HNRNPUL1: variants seen among roughly 807,000 people sequenced by gnomAD.
The protein encoded by HNRNPUL1 is heterogeneous nuclear ribonucleoprotein U like 1, also known as heterogeneous nuclear ribonucleoprotein U-like protein 1.
A neutral mutation model predicts 108.5 loss-of-function variants in HNRNPUL1; 14 were observed. The observed-to-expected ratio is 0.13, with a 90% CI of 0.09 to 0.20. The LOEUF (loss-of-function observed/expected upper bound fraction) is 0.20, where lower values mean the gene tolerates loss of function less well. Among genes scored for constraint, HNRNPUL1 ranks in the 10% least tolerant of loss-of-function variants. HNRNPUL1 has a pLI of 1.00. For synonymous variants in HNRNPUL1, 422 were observed against 445.2 expected (o/e 0.95, Z 0.66); for missense variants, 804 against 1,168.3 (o/e 0.69, Z 4.55).
intron 1 of HNRNPUL1, chr19:41,265,002 G>C (rs1364420413): frequency 7.2e-7 from 1 of 1,393,912 alleles, no homozygotes; most frequent in Non-Finnish European, 9.3e-7. Flanking sequence ...GGGGGACACT[G>C]GGGGAGGGGC....
rs932028351 is a variant in HNRNPUL1, at chr19:41,271,737, A to T, written c.419-345A>T. On this transcript the variant is annotated intron_variant, in intron 2 of 14. Transcript: ENST00000392006. ...TGGCCTCTTTTGGTAGGGTAACTAA[A>T]GCCCGTAGAGTTAGCTGCAGGACCA... Among the ~76,000 whole-genome samples, 6 of 152,262 alleles carry T rather than the reference A, an allele frequency of 3.9e-5. No homozygotes were observed. In the South Asian group the frequency reaches 6.2e-4, roughly 16 times the overall value.
At chr19:41,264,335 C>A (rs564256767), upstream of HNRNPUL1, 17 of 509,752 alleles carry the variant, frequency 3.3e-5, no homozygotes, top group East Asian at 5.5e-4. Flanking sequence ...TAACATCGGA[C>A]GAGGCACGAG....
At chr19:41,277,456 A>G (rs1380974511) in intron 5 of HNRNPUL1, among the ~76,000 whole-genome samples, 1 of 152,190 alleles carries the variant, frequency 6.6e-6, no homozygotes, top group Non-Finnish European at 1.5e-5. Flanking sequence ...TACCTCTCAT[A>G]GAGAAACACT....
At chr19:41,298,321 G>A (rs2037004884) in intron 10 of HNRNPUL1, among the ~76,000 whole-genome samples, 1 of 152,148 alleles carries the variant, frequency 6.6e-6, no homozygotes, top group Non-Finnish European at 1.5e-5. Flanking sequence ...ATTTTCTCTT[G>A]GAATCAACAT....
chr19:41,266,325 C>T (rs1029913321), intron 1 of HNRNPUL1, among the ~76,000 whole-genome samples: 3 of 151,852 alleles, frequency 2.0e-5, no homozygotes, highest in Admixed American at 1.3e-4. Context: ...CCCAGCTACT[C>T]GGGAGGCTGA....
At chr19:41,287,363 A>G (rs1291690676) in intron 7 of HNRNPUL1, among the ~76,000 whole-genome samples, 1 of 152,042 alleles carries the variant, frequency 6.6e-6, no homozygotes, top group East Asian at 1.9e-4. Flanking sequence ...TAAATTTAAA[A>G]CTTGATATAA....
intron 13 of HNRNPUL1, among the ~76,000 whole-genome samples, chr19:41,305,188 C>T (rs1396046931): frequency 6.6e-6 from 1 of 152,074 alleles, no homozygotes; most frequent in African/African-American, 2.4e-5. Context: ...CCCCTAGGTT[C>T]TATATGGAGA....
intron 10 of HNRNPUL1, among the ~76,000 whole-genome samples, chr19:41,297,715 A>C (rs1396837619): frequency 6.6e-6 from 1 of 152,230 alleles, no homozygotes; most frequent in African/African-American, 2.4e-5. Flanking sequence ...GGGCTCTAAC[A>C]GCTAGAGCCA....
Position 41,304,041 on chromosome 19 carries a change from A to G in HNRNPUL1, c.2042A>G (p.Asn681Ser), listed in dbSNP as rs1165560998. The change falls in exon 13 of 15, where the codon AAC (asparagine) becomes AGC (serine). Residue 681 changes from asparagine (N) to serine (S), a missense_variant. By Grantham distance (46) the Asn-to-Ser change is conservative. Around this residue, in one of 4 missense-constraint regions of HNRNPUL1, gnomAD observed 294 missense variants for 388.3 expected, o/e 0.76. Transcript: ENST00000392006. The part of the protein sequence containing the change: ...RWGNNNRDNN[N>S]SNNRGSYNRA... ...GGTAACAACAACCGGGATAACAACA[A>G]CTCCAACAACAGAGGCAGCTACAAC... 1.2e-6 allele frequency: 2 copies of G among 1,613,520 alleles called. No individual in the cohort carries two copies. The highest frequency in any genetic ancestry group is 2.7e-5 in the African/African-American group (2 of 74,730).
intron 6 of HNRNPUL1, 71 bp from the exon 7 acceptor site, chr19:41,281,092 G>C: frequency 2.2e-6 from 2 of 910,888 alleles, no homozygotes; most frequent in Non-Finnish European, 3.6e-6. Context: ...AAAAATAAAA[G>C]TATGTGGCAG....
intron 14 of HNRNPUL1, among the ~76,000 whole-genome samples, chr19:41,306,238 G>A (rs2037538432): frequency 6.6e-6 from 1 of 152,186 alleles, no homozygotes. Flanking sequence ...AAAGGCACTG[G>A]GTTGACAAGC....
At chr19:41,264,356 G>A (rs911446315), upstream of HNRNPUL1, 1 of 570,730 alleles carries the variant, frequency 1.8e-6, no homozygotes, top group Non-Finnish European at 2.7e-6. Flanking sequence ...TGAGGGGGGA[G>A]GCGGTGGCGG....
chr19:41,284,665 T>A (rs902279496), intron 7 of HNRNPUL1, among the ~76,000 whole-genome samples: 1 of 151,810 alleles, frequency 6.6e-6, no homozygotes, highest in Non-Finnish European at 1.5e-5. Flanking sequence ...AATAAATAAA[T>A]AAAACTGCAG....
chr19:41,268,140 C>T, intron 1 of HNRNPUL1, 83 bp from the exon 2 acceptor site: 1 of 1,390,592 alleles, frequency 7.2e-7, no homozygotes, highest in Non-Finnish European at 1.0e-6. Flanking sequence ...AGCTCCTGGA[C>T]CTGCAGATGC....
Position 41,292,103 on chromosome 19 carries a change from G to T in HNRNPUL1, c.1000-142G>T. The T allele has an allele frequency of 2.3e-6, 2 of 855,202 alleles. No individual in the cohort carries two copies. Among genetic ancestry groups the T allele is most frequent in the South Asian group, 3.2e-5 (2 of 63,392 alleles). 53.0% of individuals were successfully genotyped at this position (855,202 alleles called of 1,614,324 possible). On this transcript the variant is annotated intron_variant, in intron 7 of 14. Coordinates refer to ENST00000392006, the MANE Select transcript of HNRNPUL1 (RefSeq NM_007040.6). The surrounding 1 kb of genome is among the most constrained non-coding windows in gnomAD (Gnocchi z 4.1). ...CTGAGATGTTCACTGATGCTGCCCA[G>T]CTTACCTGTATGTTGGGGAAGGATG...
In HNRNPUL1 at chr19:41,272,202, G is replaced by A; in HGVS notation, c.539G>A (p.Gly180Glu). 1 of 1,613,966 alleles carries A rather than the reference G, an allele frequency of 6.2e-7. No individual in the cohort carries two copies. The highest frequency in any genetic ancestry group is 8.5e-7 in the Non-Finnish European group (1 of 1,179,962). Residue 180 changes from glycine (G) to glutamate (E), a missense_variant, in exon 3 of 15, where the codon GGA (glycine) becomes GAA (glutamate). Physicochemically the swap from Gly to Glu is moderately conservative, Grantham distance 98. Coordinates refer to ENST00000392006, the MANE Select transcript of HNRNPUL1 (RefSeq NM_007040.6). ...AAGAGGCCTTATGAAGAAAACCGGG[G>A]ACGGGGGTACTTTGAGCACCGAGAG... ...SRKRPYEENRGRGYFEHREDR... is the reference protein window; with the variant it reads ...SRKRPYEENRERGYFEHREDR...
Position 41,304,176 on chromosome 19 carries a change from C to A in HNRNPUL1, c.2177C>A (p.Ala726Asp). The change falls in exon 13 of 15, where the codon GCC (alanine) becomes GAC (aspartate). Residue 726 changes from alanine to aspartate, a missense_variant. By Grantham distance (126) the Ala-to-Asp change is moderately radical. Coordinates refer to ENST00000392006, the MANE Select transcript of HNRNPUL1 (RefSeq NM_007040.6). ...SYSPARNPPG[A>D]STYNKNSNIP... Reference sequence around the variant, plus strand: ...AGCCCTGCTCGGAACCCCCCAGGGGCCAGCACCTACAATAAGAACAGCAAC... The same window carrying A: ...AGCCCTGCTCGGAACCCCCCAGGGGACAGCACCTACAATAAGAACAGCAAC... 1 of 1,614,150 alleles carries A rather than the reference C, an allele frequency of 6.2e-7. No individual in the cohort carries two copies. Among genetic ancestry groups the A allele is most frequent in the Non-Finnish European group, 8.5e-7 (1 of 1,180,024 alleles).
chr19:41,300,888 A>T (rs1251310231), intron 10 of HNRNPUL1, among the ~76,000 whole-genome samples: 1 of 152,240 alleles, frequency 6.6e-6, no homozygotes, highest in Non-Finnish European at 1.5e-5. Context: ...GGACTGAGGG[A>T]ATAAAAGAAC....
At chr19:41,304,834 C>T (rs2037448649) in intron 13 of HNRNPUL1, among the ~76,000 whole-genome samples, 1 of 152,202 alleles carries the variant, frequency 6.6e-6, no homozygotes, top group Admixed American at 6.5e-5. Flanking sequence ...CAAGCACTTT[C>T]CTCATGCCGG....
Sources: allele counts gnomAD v4.1 joint callset (sites outside exome capture counted in the v4.1 genomes callset), GRCh38; gene constraint gnomAD v4.1.1; regional missense constraint gnomAD v4.1.1; non-coding constraint Gnocchi (gnomAD v3.1); transcripts MANE v1.5; gene names NCBI Gene and HGNC (gene_info 2026-07-23, HGNC 2026-07-21).